Variants in ATP8B4 observed in about 807,000 individuals in gnomAD.
ATP8B4 encodes ATPase phospholipid transporting 8B4 (putative), also known as probable phospholipid-transporting ATPase IM.
ATP8B4 carries 133 observed loss-of-function variants against 145.6 expected under a neutral mutation model. That is an observed-to-expected ratio of 0.91 (90% CI 0.79 to 1.05). The LOEUF (loss-of-function observed/expected upper bound fraction) is 1.05, where lower values mean the gene tolerates loss of function less well. Ranked by LOEUF, ATP8B4 falls within the 50% of genes least tolerant of loss-of-function variation. ATP8B4 has a pLI of 0.00. For synonymous variants in ATP8B4, 507 were observed against 492.9 expected, an observed-to-expected ratio of 1.03 and a Z score of -0.38; for missense variants, 1,458 against 1,425.2, an observed-to-expected ratio of 1.02 and a Z score of -0.37.
chr15:49,961,985 T>C lies in ATP8B4; in HGVS notation c.1279A>G (p.Ile427Val), dbSNP rs138081061. Residue 427 changes from isoleucine (I) to valine (V), a missense_variant, in exon 14 of 28, where the codon ATA becomes GTA. Physicochemically the swap from Ile to Val is conservative, Grantham distance 29 (BLOSUM62 3). Transcript: ENST00000284509. ...TTTTATCACTTCCACACCTGAGTTA[T>C]TTCTGTCTTCTGATCCAGGTCATCA... is the stretch of plus-strand genomic sequence containing the variant. ...VHDDLDQKTE[I>V]TQEKEPVDFS... 1.9e-6 allele frequency: 3 copies of C among 1,597,746 alleles called. No individual in the cohort carries two copies. The highest frequency in any genetic ancestry group is 2.7e-5 in the African/African-American group (2 of 73,764).
At chr15:50,081,115 G>GAA (rs36059633) in intron 2 of ATP8B4, among the ~76,000 whole-genome samples, 2,247 of 131,284 alleles carry the variant, frequency 0.017, 69 homozygotes, top group African/African-American at 0.057. Context: ...TACGTCTCAA[G>GAA]AAAAAAAAAA....
At chr15:49,977,981 A>G (rs2045819589) in intron 12 of ATP8B4, among the ~76,000 whole-genome samples, 2 of 152,150 alleles carry the variant, frequency 1.3e-5, no homozygotes, top group Admixed American at 6.6e-5. Flanking sequence ...GGGTTTGGAC[A>G]ATTATAAATA....
At chr15:50,103,383 G>A (rs2056486985) in intron 2 of ATP8B4, among the ~76,000 whole-genome samples, 1 of 152,018 alleles carries the variant, frequency 6.6e-6, no homozygotes, top group African/African-American at 2.4e-5. Flanking sequence ...AACGGTAAAT[G>A]AATTCATCAG....
At chr15:49,864,646 T>C (rs116696663) in intron 26 of ATP8B4, among the ~76,000 whole-genome samples, 5,264 of 152,252 alleles carry the variant, frequency 0.035, 300 homozygotes, top group African/African-American at 0.12. Context: ...CTTTGTAGAA[T>C]AATAGAATCT....
chr15:50,032,733 C>T (rs931694968), intron 6 of ATP8B4, among the ~76,000 whole-genome samples: 10 of 151,966 alleles, frequency 6.6e-5, no homozygotes, highest in Admixed American at 5.2e-4. Context: ...AATAAGAAAT[C>T]ATAATGATAT....
chr15:50,026,308 T>C (rs150287133), intron 6 of ATP8B4, among the ~76,000 whole-genome samples: 105 of 152,332 alleles, frequency 6.9e-4, no homozygotes, highest in African/African-American at 2.4e-3. Flanking sequence ...ATATCTGGCC[T>C]AGTGGTACTC....
At chr15:49,916,283 C>T (rs983535360) in intron 20 of ATP8B4, among the ~76,000 whole-genome samples, 1 of 152,092 alleles carries the variant, frequency 6.6e-6, no homozygotes, top group East Asian at 1.9e-4. Flanking sequence ...TAATGTCTGT[C>T]CACTGCTACC....
intron 3 of ATP8B4, among the ~76,000 whole-genome samples, chr15:50,065,887 T>C (rs1396273171): frequency 6.6e-6 from 1 of 151,924 alleles, no homozygotes; most frequent in East Asian, 1.9e-4. Context: ...ATGCTGAAAT[T>C]ATCTCAAGCC....
intron 2 of ATP8B4, among the ~76,000 whole-genome samples, chr15:50,083,690 G>A (rs903343294): frequency 1.1e-4 from 17 of 152,314 alleles, no homozygotes; most frequent in African/African-American, 3.8e-4. Context: ...ATTCGTGTTT[G>A]TCACTTTAAG....
intron 2 of ATP8B4, among the ~76,000 whole-genome samples, chr15:50,085,837 T>C (rs1322518236): frequency 8.2e-6 from 1 of 122,240 alleles, no homozygotes; most frequent in Admixed American, 9.7e-5. Context: ...ATATATGATA[T>C]AGATTATTTT....
intron 7 of ATP8B4, among the ~76,000 whole-genome samples, chr15:50,006,930 GT>G (rs1399406825): frequency 6.6e-6 from 1 of 152,102 alleles, no homozygotes; most frequent in Non-Finnish European, 1.5e-5. Context: ...TCTGCAGTAT[GT>G]TTTTCTAACA....
intron 7 of ATP8B4, chr15:50,009,453 G>A (rs985751019): frequency 7.9e-6 from 2 of 252,770 alleles, no homozygotes; most frequent in South Asian, 8.0e-5. Flanking sequence ...AGCATGGAAC[G>A]GATTTTTGAG....
At position 50,027,408 on chromosome 15, in the gene ATP8B4, T is replaced by TGGATGGATGGATGGAA. The variant is rs1226796160; in HGVS notation, c.362+11359_362+11360insTTCCATCCATCCATCC. Among the ~76,000 whole-genome samples, 18 of 151,962 alleles carry TGGATGGATGGATGGAA rather than the reference T, an allele frequency of 1.2e-4. No individual in the cohort carries two copies. The East Asian group carries it at 3.5e-3, about 29-fold the overall frequency. ...ATGGATGGATGGATGGATGGATGGATGGAAAACATGAATCCCTGCTGCTAC... is the reference window on the plus strand; with the variant it reads ...ATGGATGGATGGATGGATGGATGGATGGATGGATGGATGGAAGGAAAACATGAATCCCTGCTGCTAC... On this transcript the variant is annotated intron_variant, in intron 6 of 27. Transcript: ENST00000284509.
In ATP8B4 at chr15:49,889,913, G is replaced by A. The variant is rs116640437; in HGVS notation, c.2697+7379C>T. Reference sequence around the variant, plus strand: ...CCAAACAATCTGTTGAGAGGTACACGGAAGAATATTTAGGCGCTTATGAAT... The same window carrying A: ...CCAAACAATCTGTTGAGAGGTACACAGAAGAATATTTAGGCGCTTATGAAT... On this transcript the variant is annotated intron_variant, in intron 23 of 27. Coordinates refer to ENST00000284509, the MANE Select transcript of ATP8B4 (RefSeq NM_024837.4). 4.5e-3 allele frequency among the ~76,000 whole-genome samples: 681 copies of A among 152,324 alleles called. 3 individuals are homozygous for A. Among genetic ancestry groups the A allele is most frequent in the African/African-American group, 0.015 (634 of 41,582 alleles).
intron 1 of ATP8B4, among the ~76,000 whole-genome samples, chr15:50,161,623 CAAGCAAA>C (rs2044519837): frequency 6.6e-6 from 1 of 151,914 alleles, no homozygotes; most frequent in Non-Finnish European, 1.5e-5. Flanking sequence ...CATAAACAAA[CAAGCAAA>C]GAGAAAATTA....
chr15:50,111,093 T>C (rs2056917494), intron 1 of ATP8B4, among the ~76,000 whole-genome samples: 1 of 152,240 alleles, frequency 6.6e-6, no homozygotes, highest in African/African-American at 2.4e-5. Context: ...TTAAGCATCC[T>C]GTGAGGAAGA....
intron 3 of ATP8B4, among the ~76,000 whole-genome samples, chr15:50,050,557 T>G (rs1299810894): frequency 6.6e-6 from 1 of 151,994 alleles, no homozygotes; most frequent in East Asian, 1.9e-4. Flanking sequence ...CAGCTTTGTG[T>G]CATCAGAAAA....
rs67648465 is a variant in ATP8B4 at position 50,113,838 on chromosome 15, C to CAAAAAAA, written c.-43+5278_-43+5284dup. Among the ~76,000 whole-genome samples the CAAAAAAA allele has an allele frequency of 4.0e-3, 268 of 67,252 alleles. 10 individuals carry two copies. Among genetic ancestry groups the CAAAAAAA allele is most frequent in the African/African-American group, 0.017 (261 of 15,456 alleles). 44.1% of individuals were successfully genotyped at this position (67,252 alleles called of 152,430 possible). On this transcript the variant is annotated intron_variant, in intron 1 of 27. Coordinates refer to ENST00000284509, the MANE Select transcript of ATP8B4 (RefSeq NM_024837.4). ...CGGGCAACAACACGAAACTCCATCT[C>CAAAAAAA]AAAAAAAAAAAAAAAAAAAAAAAAA...
chr15:50,106,141 C>A (rs983152404), intron 2 of ATP8B4, among the ~76,000 whole-genome samples: 1 of 152,146 alleles, frequency 6.6e-6, no homozygotes, highest in Non-Finnish European at 1.5e-5. Context: ...AGGTTAACCA[C>A]CTATCAGGGA....
Sources: gnomAD v4.1 joint callset for allele counts (sites outside exome capture counted in the v4.1 genomes callset) on GRCh38, gnomAD v4.1.1 for gene constraint, MANE v1.5 for transcripts, NCBI Gene and HGNC (gene_info 2026-07-23, HGNC 2026-07-21) for gene names.